The following GMPR variants were observed in gnomAD, a reference collection of about 807,000 sequenced individuals.
GMPR encodes GMP reductase 1.
GMPR carries 31 observed loss-of-function variants against 38.4 expected under a neutral mutation model. That is an observed-to-expected ratio of 0.81 (90% confidence interval 0.61 to 1.09). The LOEUF is 1.09. Ranked by LOEUF, GMPR falls within the 50% of genes least tolerant of loss-of-function variation. The pLI is 0.00. For missense variants in GMPR, 468 were observed against 453.7 expected (o/e 1.03, Z -0.29); for synonymous variants, 162 against 173.3 (o/e 0.93, Z 0.51).
At chr6:16,254,530 T>C (rs1472427664) in intron 3 of GMPR, 32 bp from the exon 4 acceptor site, 4 of 1,599,182 alleles carry the variant, frequency 2.5e-6, no homozygotes, top group Non-Finnish European at 2.6e-6. Context: ...TGCTACTGTT[T>C]ATGCCTGTCT....
In GMPR at chr6:16,254,632, C is replaced by T. The variant is rs1377417675; in HGVS notation, c.362C>T (p.Pro121Leu). Residue 121 changes from proline to leucine, a missense_variant, in exon 4 of 9, where the codon CCA becomes CTA. By Grantham distance (98) the Pro-to-Leu change is moderately conservative. Transcript: ENST00000259727. ...EKMTSILEAVPQVKFICLDVA... is the reference protein window; with the variant it reads ...EKMTSILEAVLQVKFICLDVA... ...ATGACCAGCATCCTGGAAGCTGTGC[C>T]ACAGGTTAAGTTTATTTGCCTGGAT... 1 of 1,613,664 alleles carries T rather than the reference C, an allele frequency of 6.2e-7. No individual in the cohort carries two copies. Among genetic ancestry groups the T allele is most frequent in the Non-Finnish European group, 8.5e-7 (1 of 1,179,558 alleles).
chr6:16,249,655 C>T (rs1470070546), intron 2 of GMPR, among the ~76,000 whole-genome samples: 1 of 152,118 alleles, frequency 6.6e-6, no homozygotes, highest in Non-Finnish European at 1.5e-5. Flanking sequence ...TTTATGCCCA[C>T]GAAGCTAATA....
chr6:16,242,217 A>G (rs139915424), intron 1 of GMPR, among the ~76,000 whole-genome samples: 57 of 152,188 alleles, frequency 3.7e-4, no homozygotes, highest in East Asian at 2.1e-3. Flanking sequence ...CCGTGAGAAG[A>G]GTTCTGGTCT....
In GMPR at chr6:16,295,102, C is replaced by A; in HGVS notation, c.954C>A (p.Tyr318Ter). The A allele has an allele frequency of 6.3e-7, 1 of 1,580,258 alleles. No homozygotes were observed. Among genetic ancestry groups the A allele is most frequent in the Non-Finnish European group, 8.6e-7 (1 of 1,169,050 alleles). The change falls in exon 9 of 9, where the codon TAC becomes TAA. Residue 318 changes from tyrosine (Y) to a stop codon, truncating the protein, a stop_gained. Coordinates refer to ENST00000259727, the MANE Select transcript of GMPR (RefSeq NM_006877.4). LOFTEE classifies it high-confidence loss of function. ...ILGGLRSTCT[Y>*]VGAAKLKELS... ...GGGGACTGAGGTCCACGTGCACCTA[C>A]GTGGGGGCCGCCAAACTCAAGGAGC...
chr6:16,285,645 A>G (rs1287252534), intron 6 of GMPR, 148 bp from the exon 7 acceptor site: 2 of 682,300 alleles, frequency 2.9e-6, no homozygotes, highest in African/African-American at 1.8e-5. Context: ...TCAGACAACA[A>G]CAGCCGTGGT....
intron 4 of GMPR, chr6:16,262,754 G>T (rs546951059): frequency 6.6e-6 from 1 of 152,098 alleles, no homozygotes; most frequent in East Asian, 1.9e-4. Context: ...GCTGTAAAGC[G>T]TCTCAGGGTT....
chr6:16,293,314 A>C (rs1427893579), intron 8 of GMPR, among the ~76,000 whole-genome samples: 2 of 152,236 alleles, frequency 1.3e-5, no homozygotes, highest in Non-Finnish European at 2.9e-5. Context: ...CCATGGAAAT[A>C]TCTTACGAAA....
intron 4 of GMPR, among the ~76,000 whole-genome samples, chr6:16,258,827 T>A (rs1435158368): frequency 1.3e-5 from 2 of 152,200 alleles, no homozygotes; most frequent in African/African-American, 4.8e-5. Context: ...TTGGAATGAA[T>A]GATGTAATAT....
At chr6:16,275,863 G>GC (rs1205025009) in intron 5 of GMPR, among the ~76,000 whole-genome samples, 1 of 152,122 alleles carries the variant, frequency 6.6e-6, no homozygotes, top group African/African-American at 2.4e-5. Flanking sequence ...TTTGAGACCA[G>GC]CCTGGGCAAC....
At chr6:16,267,446 C>A (rs538887706) in intron 4 of GMPR, among the ~76,000 whole-genome samples, 1 of 151,868 alleles carries the variant, frequency 6.6e-6, no homozygotes, top group Non-Finnish European at 1.5e-5. Context: ...ACGAACCGTC[C>A]GGGAGGAATG....
intron 3 of GMPR, among the ~76,000 whole-genome samples, chr6:16,251,486 C>T (rs1758875038): frequency 6.6e-6 from 1 of 152,222 alleles, no homozygotes; most frequent in Non-Finnish European, 1.5e-5. Flanking sequence ...AGGAACATTG[C>T]TTTAACCCCG....
At chr6:16,266,423 A>G (rs1339487925) in intron 4 of GMPR, among the ~76,000 whole-genome samples, 2 of 124,746 alleles carry the variant, frequency 1.6e-5, no homozygotes, top group African/African-American at 3.0e-5. Context: ...ACTCACTGTG[A>G]AAAAGGTGGC....
intron 7 of GMPR, among the ~76,000 whole-genome samples, chr6:16,288,325 G>A (rs1354249957): frequency 6.6e-6 from 1 of 152,256 alleles, no homozygotes; most frequent in Non-Finnish European, 1.5e-5. Flanking sequence ...GGTGGGTGTG[G>A]GCTTGGCAGG....
chr6:16,281,750 C>T lies in GMPR; in HGVS notation c.654+2860C>T, dbSNP rs539551059. ...GTCTCGAACTCCTGACCTCATGATCCGCCCGCCTCAGCCTCCCAAAGTGCT... is the reference window on the plus strand; with the variant it reads ...GTCTCGAACTCCTGACCTCATGATCTGCCCGCCTCAGCCTCCCAAAGTGCT... On this transcript the variant is annotated intron_variant, in intron 6 of 8. Coordinates refer to ENST00000259727, the MANE Select transcript of GMPR (RefSeq NM_006877.4). Among the ~76,000 whole-genome samples the T allele has an allele frequency of 3.7e-3, 561 of 152,160 alleles. 2 individuals are homozygous for T. The highest frequency in any genetic ancestry group is 0.013 in the African/African-American group (535 of 41,502).
chr6:16,294,136 A>G (rs577713281), intron 8 of GMPR, among the ~76,000 whole-genome samples: 1 of 152,306 alleles, frequency 6.6e-6, no homozygotes, highest in East Asian at 1.9e-4. Context: ...TGTTCATGCC[A>G]TAGGCCAGAC....
chr6:16,267,099 C>T (rs1040984564), intron 4 of GMPR, among the ~76,000 whole-genome samples: 2 of 152,056 alleles, frequency 1.3e-5, no homozygotes, highest in African/African-American at 4.8e-5. Flanking sequence ...CGCTGTGGCT[C>T]ACGCCTGTAA....
At chr6:16,287,485 G>A (rs1042987804) in intron 7 of GMPR, among the ~76,000 whole-genome samples, 1 of 152,142 alleles carries the variant, frequency 6.6e-6, no homozygotes, top group African/African-American at 2.4e-5. Context: ...CAGTCAGTGC[G>A]GCCGTACCTG....
Position 16,241,135 on chromosome 6 carries a change from G to C in GMPR, c.87+2355G>C, listed in dbSNP as rs141136084. Among the ~76,000 whole-genome samples, 492 of 152,242 alleles carry C rather than the reference G, an allele frequency of 3.2e-3. 2 individuals carry two copies. Among genetic ancestry groups the C allele is most frequent in the Middle Eastern group, 0.017 (5 of 292 alleles). ...GTGCATCCTGGCAGAAGTAATATCTGGAGGCAAATTGGAAACTGAAGGGTA... is the reference window on the plus strand; with the variant it reads ...GTGCATCCTGGCAGAAGTAATATCTCGAGGCAAATTGGAAACTGAAGGGTA... On this transcript the variant is annotated intron_variant, in intron 1 of 8. Coordinates refer to ENST00000259727, the MANE Select transcript of GMPR (RefSeq NM_006877.4).
chr6:16,274,326 T>TG (rs1759437783), intron 4 of GMPR, 89 bp from the exon 5 acceptor site: 1 of 853,576 alleles, frequency 1.2e-6, no homozygotes, highest in Admixed American at 1.8e-5. Context: ...CTTTAGGACA[T>TG]GCACATCCTC....
Sources: allele counts gnomAD v4.1 joint callset (sites outside exome capture counted in the v4.1 genomes callset), GRCh38; gene constraint gnomAD v4.1.1; transcripts MANE v1.5; gene names NCBI Gene and HGNC (gene_info 2026-07-23, HGNC 2026-07-21).